Variants in EPSTI1 observed in about 807,000 individuals in gnomAD.
The protein encoded by EPSTI1 is epithelial stromal interaction 1.
In EPSTI1, 66 loss-of-function variants were observed where a neutral mutation model predicts 49.9. The ratio of observed to expected loss-of-function variants is 1.32; its 90% confidence interval spans 1.08 to 1.62. The LOEUF is 1.62. Ranked by LOEUF, EPSTI1 falls within the 40% of genes most tolerant of loss-of-function variation. The pLI is 0.00. For missense variants in EPSTI1, 394 were observed against 365.5 expected, an observed-to-expected ratio of 1.08 and a Z score of -0.64; for synonymous variants, 137 against 130.7, an observed-to-expected ratio of 1.05 and a Z score of -0.33.
At chr13:42,960,163 G>T (rs978531055) in intron 5 of EPSTI1, among the ~76,000 whole-genome samples, 1 of 152,050 alleles carries the variant, frequency 6.6e-6, no homozygotes, top group Non-Finnish European at 1.5e-5. Context: ...ATATAATACC[G>T]TATATTATCT....
chr13:42,890,817 T>TC (rs1325272365), intron 10 of EPSTI1, among the ~76,000 whole-genome samples: 3 of 151,844 alleles, frequency 2.0e-5, no homozygotes, highest in Non-Finnish European at 4.4e-5. Flanking sequence ...AGGCTTTTTT[T>TC]CCCCCTTTTC....
chr13:42,933,480 A>G (rs537966078), intron 6 of EPSTI1, among the ~76,000 whole-genome samples: 33 of 152,202 alleles, frequency 2.2e-4, no homozygotes, highest in Non-Finnish European at 4.4e-4. Context: ...TTTGCTCCCA[A>G]TCTACTTCCA....
rs752820172 is a variant in EPSTI1 at position 42,895,097 on chromosome 13, G to C, written c.827C>G (p.Ala276Gly). Residue 276 changes from alanine (A) to glycine (G), a missense_variant, in exon 10 of 11, where the codon GCT becomes GGT. Coordinates refer to ENST00000313624, the MANE Select transcript of EPSTI1 (RefSeq NM_033255.5). The part of the protein sequence containing the change: ...HQTEHRRVNN[A>G]FLDRLQGKSQ... Reference sequence around the variant, plus strand: ...TTTGCCTTGGAGTCGGTCCAGAAAAGCATTATTTACCCTTTAAAACAATGA... The same window carrying C: ...TTTGCCTTGGAGTCGGTCCAGAAAACCATTATTTACCCTTTAAAACAATGA... The C allele has an allele frequency of 1.2e-6, 2 of 1,612,522 alleles. No homozygotes were observed. Among genetic ancestry groups the C allele is most frequent in the East Asian group, 4.5e-5 (2 of 44,826 alleles).
At chr13:42,904,996 T>G (rs2153413450) in intron 8 of EPSTI1, among the ~76,000 whole-genome samples, 1 of 152,308 alleles carries the variant, frequency 6.6e-6, no homozygotes, top group South Asian at 2.1e-4. Flanking sequence ...GAACCATGTG[T>G]ATATATTATT....
chr13:42,895,780 CAG>C (rs563935158), intron 9 of EPSTI1, among the ~76,000 whole-genome samples: 16 of 152,278 alleles, frequency 1.1e-4, no homozygotes, highest in African/African-American at 3.9e-4. Flanking sequence ...TGAGTAGAGT[CAG>C]GGACTTGGAA....
chr13:42,908,374 T>C (rs909771037), intron 8 of EPSTI1, among the ~76,000 whole-genome samples: 2 of 150,654 alleles, frequency 1.3e-5, no homozygotes, highest in African/African-American at 4.9e-5. Flanking sequence ...TAATCCCAGA[T>C]ACTTGGGAGG....
rs1387538565 is a variant in EPSTI1 at position 42,888,568 on chromosome 13, A to C, written c.916-66T>G. 2.6e-6 allele frequency: 4 copies of C among 1,517,384 alleles called. No homozygotes were observed. The East Asian group carries it at 9.1e-5, about 34-fold the overall frequency. 94.0% of individuals were successfully genotyped at this position (1,517,384 alleles called of 1,614,324 possible). ...ATAAAATTCAAAGCCTTTGTAGTCA[A>C]AAATGAAGTTCCTGCAAAGAACGCT... On this transcript the variant is annotated intron_variant, in intron 10 of 10. Transcript: ENST00000313624.
intron 1 of EPSTI1, among the ~76,000 whole-genome samples, chr13:42,990,642 C>A (rs1392364345): frequency 6.6e-6 from 1 of 152,144 alleles, no homozygotes; most frequent in Non-Finnish European, 1.5e-5. Context: ...GAAAGAAATG[C>A]AACAATCTCT....
intron 6 of EPSTI1, among the ~76,000 whole-genome samples, chr13:42,937,622 C>T (rs1453055826): frequency 6.6e-6 from 1 of 152,200 alleles, no homozygotes; most frequent in Non-Finnish European, 1.5e-5. Flanking sequence ...AAAAGCAACT[C>T]CTCATCCGTT....
intron 6 of EPSTI1, among the ~76,000 whole-genome samples, chr13:42,949,306 T>C (rs2039020680): frequency 2.0e-5 from 3 of 152,118 alleles, no homozygotes; most frequent in Admixed American, 6.5e-5. Flanking sequence ...AAGAGAGGCT[T>C]TGGCCCAGGC....
At chr13:42,891,292 C>T (rs1432331358) in intron 10 of EPSTI1, among the ~76,000 whole-genome samples, 1 of 152,142 alleles carries the variant, frequency 6.6e-6, no homozygotes, top group African/African-American at 2.4e-5. Flanking sequence ...ACTTTCTAGA[C>T]ATTTGAAATA....
At chr13:42,955,834 T>A (rs2039244009) in intron 5 of EPSTI1, among the ~76,000 whole-genome samples, 1 of 139,590 alleles carries the variant, frequency 7.2e-6, no homozygotes, top group Non-Finnish European at 1.5e-5. Context: ...AAAAAATGTT[T>A]GTTTATGCCT....
chr13:42,929,749 C>T (rs1372873738), intron 6 of EPSTI1, among the ~76,000 whole-genome samples: 1 of 152,162 alleles, frequency 6.6e-6, no homozygotes, highest in Non-Finnish European at 1.5e-5. Context: ...TAAGTAATAT[C>T]TTAACAATAT....
chr13:42,945,753 G>A (rs958493028), intron 6 of EPSTI1, among the ~76,000 whole-genome samples: 1 of 152,216 alleles, frequency 6.6e-6, no homozygotes, highest in Non-Finnish European at 1.5e-5. Flanking sequence ...GGCAGTGGCA[G>A]TGGGAATGAA....
intron 1 of EPSTI1, among the ~76,000 whole-genome samples, chr13:42,978,851 T>G (rs2039931464): frequency 6.6e-6 from 1 of 152,240 alleles, no homozygotes. Context: ...CCTTTCTTCA[T>G]GCTGTGACTG....
At chr13:42,979,176 A>G (rs2039937138) in intron 1 of EPSTI1, among the ~76,000 whole-genome samples, 2 of 152,248 alleles carry the variant, frequency 1.3e-5, no homozygotes, top group African/African-American at 4.8e-5. Context: ...TTCATAAGAA[A>G]AGTTCTTTTA....
intron 1 of EPSTI1, among the ~76,000 whole-genome samples, chr13:42,988,189 G>A (rs1235550390): frequency 6.6e-6 from 1 of 152,172 alleles, no homozygotes; most frequent in East Asian, 1.9e-4. Flanking sequence ...CTAGGTAAAT[G>A]CATGTCTTTG....
At chr13:42,926,477 A>C (rs749951710) in intron 6 of EPSTI1, 48 bp from the exon 7 acceptor site, 6 of 1,009,832 alleles carry the variant, frequency 5.9e-6, no homozygotes, top group Non-Finnish European at 9.6e-6. Context: ...AAATATGAAC[A>C]TAATTCTTTA....
At chr13:42,973,799 A>G (rs942441176) in intron 1 of EPSTI1, among the ~76,000 whole-genome samples, 1 of 152,168 alleles carries the variant, frequency 6.6e-6, no homozygotes, top group Non-Finnish European at 1.5e-5. Context: ...CCAACAACCA[A>G]CATTTCGCAT....
Sources: allele counts gnomAD v4.1 joint callset (sites outside exome capture counted in the v4.1 genomes callset), GRCh38; gene constraint gnomAD v4.1.1; transcripts MANE v1.5; gene names NCBI Gene and HGNC (gene_info 2026-07-23, HGNC 2026-07-21).